ADAMTSL3: variants seen among roughly 807,000 people sequenced by gnomAD.
ADAMTSL3 encodes the protein ADAMTS-like protein 3.
ADAMTSL3 carries 128 observed loss-of-function variants against 201.7 expected under a neutral mutation model. That is an observed-to-expected ratio of 0.63 (90% CI 0.55 to 0.73). The LOEUF (loss-of-function observed/expected upper bound fraction) is 0.73, where lower values mean the gene tolerates loss of function less well. Among genes scored for constraint, ADAMTSL3 ranks in the 30% least tolerant of loss-of-function variants. The probability of loss-of-function intolerance (pLI) is 0.00; values close to 1 mark genes in which losing one functional copy is unlikely to be tolerated. For missense variants in ADAMTSL3, 1,990 were observed against 2,119.6 expected (o/e 0.94, Z 1.20); for synonymous variants, 738 against 748.4 (o/e 0.99, Z 0.23).
chr15:83,982,326 A>C lies in ADAMTSL3; in HGVS notation c.2698A>C (p.Ser900Arg). ...TGGTGAGCAGGGTCCGCAGATCCTC[A>C]GTGTCCAGAGAGTCTACATTCAGAC... ...KLGEQGPQIL[S>R]VQRVYIQTRE... Residue 900 changes from serine to arginine, a missense_variant, in exon 21 of 30, where the codon AGT becomes CGT. Physicochemically the swap from Ser to Arg is moderately radical, Grantham distance 110. Coordinates refer to ENST00000286744, the MANE Select transcript of ADAMTSL3 (RefSeq NM_207517.3). The C allele has an allele frequency of 6.2e-7, 1 of 1,613,670 alleles. No homozygotes were observed. The highest frequency in any genetic ancestry group is 8.5e-7 in the Non-Finnish European group (1 of 1,179,816).
intron 3 of ADAMTSL3, among the ~76,000 whole-genome samples, chr15:83,723,843 A>G (rs1019862072): frequency 1.3e-5 from 2 of 152,160 alleles, no homozygotes; most frequent in Non-Finnish European, 1.5e-5. Flanking sequence ...TGAGCATATA[A>G]TACTTTGATC....
At chr15:83,912,187 AG>A (rs1324786327) in intron 15 of ADAMTSL3, among the ~76,000 whole-genome samples, 1 of 152,244 alleles carries the variant, frequency 6.6e-6, no homozygotes, top group Non-Finnish European at 1.5e-5. Flanking sequence ...AGGACCAGAT[AG>A]TAAATGTTTT....
At chr15:83,927,330 C>A (rs967928747) in intron 17 of ADAMTSL3, among the ~76,000 whole-genome samples, 2 of 151,854 alleles carry the variant, frequency 1.3e-5, no homozygotes, top group African/African-American at 4.8e-5. Context: ...TTGGCCAGGC[C>A]GATCTCAAAC....
intron 19 of ADAMTSL3, among the ~76,000 whole-genome samples, chr15:83,949,090 A>G (rs1372865131): frequency 6.6e-6 from 1 of 152,128 alleles, no homozygotes; most frequent in Non-Finnish European, 1.5e-5. Context: ...TGTGCTAGCA[A>G]ATACTAGGTC....
At chr15:83,703,510 G>T (rs1027179467) in intron 2 of ADAMTSL3, among the ~76,000 whole-genome samples, 3 of 152,098 alleles carry the variant, frequency 2.0e-5, no homozygotes, top group Non-Finnish European at 4.4e-5. Flanking sequence ...CATAGGGACA[G>T]TTTCCCCCAT....
chr15:83,822,748 C>G (rs571376876), intron 6 of ADAMTSL3, among the ~76,000 whole-genome samples: 4 of 147,168 alleles, frequency 2.7e-5, no homozygotes, highest in Admixed American at 6.8e-5. Flanking sequence ...ACGTCCCAGA[C>G]GATGGGCGGC....
chr15:83,899,033 A>C (rs1407572626), intron 14 of ADAMTSL3, among the ~76,000 whole-genome samples: 1 of 152,090 alleles, frequency 6.6e-6, no homozygotes, highest in Admixed American at 6.6e-5. Context: ...TCCTTGAAGC[A>C]CCCTAAAGTT....
At chr15:83,919,823 G>A (rs572143110) in intron 16 of ADAMTSL3, among the ~76,000 whole-genome samples, 71 of 152,166 alleles carry the variant, frequency 4.7e-4, no homozygotes, top group Non-Finnish European at 8.7e-4. Flanking sequence ...CACAGTCGTG[G>A]AGATTGGTCT....
At position 83,934,520 on chromosome 15, in the gene ADAMTSL3, G is replaced by A. The variant is rs913669649; in HGVS notation, c.2118-8076G>A. Among the ~76,000 whole-genome samples the A allele has an allele frequency of 2.6e-5, 4 of 152,296 alleles. No individual in the cohort carries two copies. The East Asian group carries it at 7.7e-4, about 29-fold the overall frequency. ...GACTTGGACTTTTAGGCCAATGCTG[G>A]AATGAATTAAAGCTTTGGGGACTGT... On this transcript the variant is annotated intron_variant, in intron 17 of 29. Coordinates refer to ENST00000286744, the MANE Select transcript of ADAMTSL3 (RefSeq NM_207517.3).
At chr15:83,694,090 T>C (rs2730083) in intron 2 of ADAMTSL3, among the ~76,000 whole-genome samples, 43,261 of 152,166 alleles carry the variant, frequency 0.28, 6,399 homozygotes, top group South Asian at 0.49. Flanking sequence ...ACTGCCTAGA[T>C]GGGGCCCTGA....
intron 13 of ADAMTSL3, among the ~76,000 whole-genome samples, chr15:83,894,350 G>A (rs894430389): frequency 5.9e-5 from 9 of 152,090 alleles, no homozygotes; most frequent in East Asian, 1.9e-4. Flanking sequence ...AGAGAATTAC[G>A]TATTTCTTCA....
chr15:83,942,986 C>T lies in ADAMTSL3; in HGVS notation c.2394C>T (p.Leu798=). 1 of 1,614,088 alleles carries T rather than the reference C, an allele frequency of 6.2e-7. No homozygotes were observed. The highest frequency in any genetic ancestry group is 1.1e-5 in the South Asian group (1 of 91,068). The stretch of plus-strand genomic sequence containing the variant: ...TAACGGATGGCAGCTTTTTGAATCT[C>T]TCAGATGAATTGTGCCAAGGACCCA... ...QLLTDGSFLN[L]SDELCQGPKA... The change falls in exon 19 of 30, where the codon CTC becomes CTT. Residue 798 remains leucine (L), a synonymous_variant. Transcript: ENST00000286744.
intron 16 of ADAMTSL3, 37 bp from the exon 17 acceptor site, chr15:83,923,867 C>T (rs1457581695): frequency 6.2e-7 from 1 of 1,609,416 alleles, no homozygotes; most frequent in Non-Finnish European, 8.5e-7. Flanking sequence ...TAAATTATTC[C>T]ATGTCATTTG....
At position 83,853,267 on chromosome 15, in the gene ADAMTSL3, T is replaced by C. The variant is rs187553243; in HGVS notation, c.728-5499T>C. On this transcript the variant is annotated intron_variant, in intron 7 of 29. Transcript: ENST00000286744. ...TCTAAATGATTATTCTTGGTATTTC[T>C]AAAATCTAATAATTTTTTAATATTA... Among the ~76,000 whole-genome samples, 921 of 152,324 alleles carry C rather than the reference T, an allele frequency of 6.0e-3. 17 individuals are homozygous for C. The highest frequency in any genetic ancestry group is 0.021 in the African/African-American group (886 of 41,578).
chr15:83,828,658 TG>T (rs2064081041), intron 6 of ADAMTSL3, among the ~76,000 whole-genome samples: 1 of 152,182 alleles, frequency 6.6e-6, no homozygotes, highest in Non-Finnish European at 1.5e-5. Flanking sequence ...ATATTGGCTG[TG>T]GGTTTGTCAT....
chr15:83,968,039 G>A (rs963109183), intron 19 of ADAMTSL3, among the ~76,000 whole-genome samples: 1 of 152,154 alleles, frequency 6.6e-6, no homozygotes, highest in Non-Finnish European at 1.5e-5. Flanking sequence ...AACTCAAGAT[G>A]TATTAAAGAC....
At chr15:83,905,741 A>C (rs1215799196) in intron 15 of ADAMTSL3, among the ~76,000 whole-genome samples, 1 of 152,178 alleles carries the variant, frequency 6.6e-6, no homozygotes, top group Admixed American at 6.5e-5. Flanking sequence ...CTCATTGGAC[A>C]TATTTTCTGG....
intron 8 of ADAMTSL3, among the ~76,000 whole-genome samples, chr15:83,867,370 A>G (rs1277876917): frequency 2.0e-5 from 3 of 152,202 alleles, no homozygotes; most frequent in Non-Finnish European, 4.4e-5. Flanking sequence ...CACAGCCCCA[A>G]ATTTTCCAGG....
intron 17 of ADAMTSL3, among the ~76,000 whole-genome samples, chr15:83,939,848 C>G (rs1046881438): frequency 6.6e-6 from 1 of 152,144 alleles, no homozygotes; most frequent in African/African-American, 2.4e-5. Context: ...TCTTGAACTC[C>G]TGACCTCAGG....
Sources: allele counts gnomAD v4.1 joint callset (sites outside exome capture counted in the v4.1 genomes callset), GRCh38; gene constraint gnomAD v4.1.1; transcripts MANE v1.5; gene names NCBI Gene and HGNC (gene_info 2026-07-23, HGNC 2026-07-21).